TSPAN11: variants seen among roughly 807,000 people sequenced by gnomAD.
The protein encoded by TSPAN11 is tetraspanin 11.
A neutral mutation model predicts 32.9 loss-of-function variants in TSPAN11; 29 were observed. The observed-to-expected ratio is 0.88, with a 90% CI of 0.66 to 1.20. The LOEUF (loss-of-function observed/expected upper bound fraction) is 1.20. Among genes scored for constraint, TSPAN11 ranks in the 50% most tolerant of loss-of-function variants. The pLI, the probability that TSPAN11 is intolerant of heterozygous loss-of-function variation, is 0.00. For synonymous variants in TSPAN11, 140 were observed against 141.3 expected (o/e 0.99, Z 0.07); for missense variants, 283 against 329.1 (o/e 0.86, Z 1.08).
At chr12:31,003,667 C>CG in the TSPAN11 span, among the ~76,000 whole-genome samples, 3 of 152,302 alleles carry the variant, frequency 2.0e-5, no homozygotes, top group East Asian at 5.8e-4. Flanking sequence ...GACTTGAGCA[C>CG]TTGTTTGGTG....
At chr12:30,929,557 A>G (rs1937874022) in intron 1 of TSPAN11, among the ~76,000 whole-genome samples, 1 of 152,164 alleles carries the variant, frequency 6.6e-6, no homozygotes, top group African/African-American at 2.4e-5. Context: ...CTACCTATCT[A>G]GGGTGACTCT....
At chr12:30,945,003 C>T (rs2140278020) in intron 1 of TSPAN11, among the ~76,000 whole-genome samples, 1 of 152,322 alleles carries the variant, frequency 6.6e-6, no homozygotes, top group East Asian at 1.9e-4. Context: ...GTTCCAGGCC[C>T]TAACCCGAAC....
intron 1 of TSPAN11, among the ~76,000 whole-genome samples, chr12:30,935,001 C>T (rs887468954): frequency 1.3e-5 from 2 of 152,110 alleles, no homozygotes; most frequent in Non-Finnish European, 2.9e-5. Context: ...ATGTCCCTTG[C>T]ATCACTTTGG....
rs78864159 is a variant in TSPAN11, at chr12:30,937,361, C to T, written c.-12+10565C>T. On this transcript the variant is annotated intron_variant, in intron 1 of 7. Transcript: ENST00000546076. ...GCATCTTAACAGCTGAGATTGTATC[C>T]TGGCTCACTATACTAGTCTTACACA... 7.8e-3 allele frequency among the ~76,000 whole-genome samples: 1,183 copies of T among 152,136 alleles called. 75 individuals are homozygous for T. The South Asian group carries it at 0.15, about 19-fold the overall frequency.
At position 30,995,671 on chromosome 12, in the gene TSPAN11, G is replaced by C. The variant is rs1939402243; in HGVS notation, c.*3756G>C. The C allele has an allele frequency of 6.6e-6, 1 of 152,172 alleles. No homozygotes were observed. Among genetic ancestry groups the C allele is most frequent in the Non-Finnish European group, 1.5e-5 (1 of 68,048 alleles). The allele number at this position is 152,172 out of a possible 1,614,324, so 9.4% of individuals were successfully genotyped here. ...TGTCACCCACCTGGAAAACATTCTT[G>C]ATATACTGGCCATGCTGGGCCGGGC... On this transcript the variant is annotated 3_prime_UTR_variant, in exon 8 of 8. Coordinates refer to ENST00000546076, the MANE Select transcript of TSPAN11 (RefSeq NM_001370302.1).
chr12:31,013,399 C>T, the TSPAN11 span, among the ~76,000 whole-genome samples: 4 of 151,170 alleles, frequency 2.6e-5, no homozygotes, highest in Non-Finnish European at 5.9e-5. Flanking sequence ...AACACAGACT[C>T]CTATCTCTAC....
Position 30,954,081 on chromosome 12 carries a change from T to C in TSPAN11, c.84+6T>C. 1.2e-6 allele frequency: 2 copies of C among 1,605,348 alleles called. No homozygotes were observed. The highest frequency in any genetic ancestry group is 2.2e-5 in the South Asian group (2 of 90,860). On this transcript the variant is annotated splice_donor_region_variant and intron_variant, in intron 2 of 7. Transcript: ENST00000546076. The stretch of plus-strand genomic sequence containing the variant: ...TCTTCAACTTCTTCTTCTGGGTGAG[T>C]GAATTCTGCACACACATCCTCTTCC...
chr12:30,966,867 C>T (rs74608257), intron 3 of TSPAN11, among the ~76,000 whole-genome samples: 2,155 of 152,284 alleles, frequency 0.014, 50 homozygotes, highest in African/African-American at 0.049. Flanking sequence ...CCTCGTTGCT[C>T]CCATTATAGT....
chr12:30,935,037 G>C (rs1271073208), intron 1 of TSPAN11, among the ~76,000 whole-genome samples: 2 of 151,982 alleles, frequency 1.3e-5, no homozygotes, highest in African/African-American at 4.8e-5. Context: ...TGGTCATCAT[G>C]GGAAGCAAGG....
chr12:30,995,532 G>C lies in TSPAN11; in HGVS notation c.*3617G>C, dbSNP rs549014926. ...ATGGTAGATCATTGTGATGTGCCTCGGGGCCCTCTTGCCTTGGAGCCAGCT... is the reference window on the plus strand; with the variant it reads ...ATGGTAGATCATTGTGATGTGCCTCCGGGCCCTCTTGCCTTGGAGCCAGCT... On this transcript the variant is annotated 3_prime_UTR_variant, in exon 8 of 8. Transcript: ENST00000546076. 2.6e-5 allele frequency: 4 copies of C among 152,304 alleles called. No homozygotes were observed. Among genetic ancestry groups the C allele is most frequent in the Non-Finnish European group, 5.9e-5 (4 of 68,144 alleles). 9.4% of individuals were successfully genotyped at this position (152,304 alleles called of 1,614,324 possible).
the TSPAN11 span, among the ~76,000 whole-genome samples, chr12:31,013,689 C>T: frequency 2.0e-5 from 3 of 152,154 alleles, no homozygotes; most frequent in Non-Finnish European, 4.4e-5. Context: ...GGCAGGTGGT[C>T]TTGAGTGGTG....
At chr12:30,929,632 G>A (rs1937876293) in intron 1 of TSPAN11, among the ~76,000 whole-genome samples, 2 of 152,166 alleles carry the variant, frequency 1.3e-5, no homozygotes, top group African/African-American at 4.8e-5. Context: ...CTCACCCCCA[G>A]TAGATGTCCA....
chr12:30,998,744 C>T (rs764413896), downstream of TSPAN11, among the ~76,000 whole-genome samples: 4 of 152,192 alleles, frequency 2.6e-5, no homozygotes, highest in Non-Finnish European at 4.4e-5. Flanking sequence ...GAGGCAAGAA[C>T]ATTAATGTTC....
intron 2 of TSPAN11, among the ~76,000 whole-genome samples, chr12:30,960,732 T>C (rs569212832): frequency 2.0e-5 from 3 of 151,944 alleles, no homozygotes; most frequent in African/African-American, 7.3e-5. Context: ...GGCCACAGGC[T>C]ATGGCTTTGA....
At chr12:30,948,430 T>G (rs1199271222) in intron 1 of TSPAN11, among the ~76,000 whole-genome samples, 1 of 152,226 alleles carries the variant, frequency 6.6e-6, no homozygotes, top group East Asian at 1.9e-4. Context: ...TCCAGGTGTT[T>G]CCATGTGTCT....
chr12:30,997,851 G>A (rs1267336147), downstream of TSPAN11, among the ~76,000 whole-genome samples: 3 of 152,216 alleles, frequency 2.0e-5, no homozygotes, highest in East Asian at 1.9e-4. Context: ...CACTTGCGGT[G>A]TAAGCACATT....
At chr12:30,928,319 G>C (rs1054530313) in intron 1 of TSPAN11, among the ~76,000 whole-genome samples, 3 of 152,152 alleles carry the variant, frequency 2.0e-5, no homozygotes, top group Non-Finnish European at 4.4e-5. Context: ...AAGCAGTAAG[G>C]AGCACCCTTC....
At chr12:30,940,490 CAT>C (rs1938137980) in intron 1 of TSPAN11, among the ~76,000 whole-genome samples, 2 of 152,090 alleles carry the variant, frequency 1.3e-5, no homozygotes, top group Non-Finnish European at 1.5e-5. Context: ...TGGAGAAATA[CAT>C]AGAGTGTGGA....
chr12:30,994,756 C>T lies in TSPAN11; in HGVS notation c.*2841C>T, dbSNP rs1371564107. The T allele has an allele frequency of 6.6e-6, 1 of 152,188 alleles. No individual in the cohort carries two copies. Among genetic ancestry groups the T allele is most frequent in the Admixed American group, 6.5e-5 (1 of 15,284 alleles). 9.4% of individuals were successfully genotyped at this position (152,188 alleles called of 1,614,324 possible). ...GTCCTGCTGTGCACTTAGAATCTGT[C>T]ACCATAAATACTTATCTCGCAGTTA... On this transcript the variant is annotated 3_prime_UTR_variant, in exon 8 of 8. Coordinates refer to ENST00000546076, the MANE Select transcript of TSPAN11 (RefSeq NM_001370302.1).
Sources: gnomAD v4.1 joint callset for allele counts (sites outside exome capture counted in the v4.1 genomes callset) on GRCh38, gnomAD v4.1.1 for gene constraint, MANE v1.5 for transcripts, NCBI Gene and HGNC (gene_info 2026-07-23, HGNC 2026-07-21) for gene names.